EVC2: variants seen among roughly 807,000 people sequenced by gnomAD.
EVC2 encodes limbin.
A neutral mutation model predicts 149.3 loss-of-function variants in EVC2; 148 were observed. The observed-to-expected ratio is 0.99, with a 90% CI of 0.87 to 1.14. EVC2 has a LOEUF of 1.14. Ranked by LOEUF, EVC2 falls within the 50% of genes most tolerant of loss-of-function variation. The pLI, the probability that EVC2 is intolerant of heterozygous loss-of-function variation, is 0.00. For missense variants in EVC2, 1,854 were observed against 1,627.3 expected, an observed-to-expected ratio of 1.14 and a Z score of -2.40; for synonymous variants, 776 against 649.9, an observed-to-expected ratio of 1.19 and a Z score of -2.95.
chr4:5,648,739 G>C (rs546372528), intron 9 of EVC2, among the ~76,000 whole-genome samples: 122 of 152,250 alleles, frequency 8.0e-4, no homozygotes, highest in African/African-American at 2.7e-3. Context: ...AGTCCCAGAG[G>C]CACTCTTTAT....
At chr4:5,646,371 T>G (rs1717711586) in intron 9 of EVC2, among the ~76,000 whole-genome samples, 1 of 152,204 alleles carries the variant, frequency 6.6e-6, no homozygotes, top group South Asian at 2.1e-4. Flanking sequence ...AAGTGTCTAT[T>G]CATGTCCCTT....
At chr4:5,542,259 C>T (rs1721527487), downstream of EVC2, among the ~76,000 whole-genome samples, 11 of 152,164 alleles carry the variant, frequency 7.2e-5, no homozygotes, top group South Asian at 1.9e-3. Context: ...TGAGACCAGC[C>T]TGGGAAACGT....
chr4:5,643,144 C>A (rs1717464907), intron 9 of EVC2, among the ~76,000 whole-genome samples: 1 of 152,186 alleles, frequency 6.6e-6, no homozygotes. Flanking sequence ...GGTGTTCTGG[C>A]ATACTGACTA....
chr4:5,593,769 T>C (rs567560501), intron 16 of EVC2, among the ~76,000 whole-genome samples: 5 of 152,120 alleles, frequency 3.3e-5, no homozygotes, highest in South Asian at 2.1e-4. Flanking sequence ...GGGAGAGGCA[T>C]TGCCTCACTC....
At chr4:5,690,559 C>T (rs1467818739) in intron 4 of EVC2, among the ~76,000 whole-genome samples, 2 of 152,204 alleles carry the variant, frequency 1.3e-5, no homozygotes, top group African/African-American at 2.4e-5. Flanking sequence ...ATGGGTGCTC[C>T]ATGCCTATGT....
chr4:5,635,124 C>T (rs764037704), intron 10 of EVC2, among the ~76,000 whole-genome samples: 1 of 149,170 alleles, frequency 6.7e-6, no homozygotes, highest in Non-Finnish European at 1.5e-5. Flanking sequence ...GCAAACTCCG[C>T]CCTCTGGGTT....
rs1720053585 is a variant in EVC2, at chr4:5,677,280, C to A, written c.870+3980G>T. Among the ~76,000 whole-genome samples the A allele has an allele frequency of 6.6e-6, 1 of 152,170 alleles. No individual in the cohort carries two copies. The highest frequency in any genetic ancestry group is 2.4e-5 in the African/African-American group (1 of 41,444). ...TAAGTGACGTGCCCAAGCTCACATGCAATCAGTGGAGGGACAGGGATTCAA... is the reference window on the plus strand; with the variant it reads ...TAAGTGACGTGCCCAAGCTCACATGAAATCAGTGGAGGGACAGGGATTCAA... On this transcript the variant is annotated intron_variant, in intron 7 of 21. Transcript: ENST00000344408. The surrounding 1 kb of genome is among the most constrained non-coding windows in gnomAD (Gnocchi z 4.3).
At chr4:5,605,524 A>C (rs1714324248) in intron 16 of EVC2, among the ~76,000 whole-genome samples, 2 of 152,236 alleles carry the variant, frequency 1.3e-5, no homozygotes, top group African/African-American at 4.8e-5. Context: ...AGATAGATAG[A>C]TGTGGACAGA....
intron 21 of EVC2, among the ~76,000 whole-genome samples, chr4:5,556,179 C>CAAAAAAA (rs61024761): frequency 1.1e-4 from 7 of 65,022 alleles, no homozygotes; most frequent in African/African-American, 2.9e-4. Flanking sequence ...GACTCCGTCT[C>CAAAAAAA]AAAAAAAAAA....
chr4:5,698,867 C>A (rs915502548), intron 1 of EVC2, among the ~76,000 whole-genome samples: 7 of 152,202 alleles, frequency 4.6e-5, no homozygotes, highest in Non-Finnish European at 7.3e-5. Flanking sequence ...GATGCTCAGG[C>A]CTGGCTTTGG....
chr4:5,598,743 T>G (rs1386805769), intron 16 of EVC2, among the ~76,000 whole-genome samples: 1 of 152,052 alleles, frequency 6.6e-6, no homozygotes, highest in Non-Finnish European at 1.5e-5. Flanking sequence ...CTAAAGAGCT[T>G]CTGCACAACA....
chr4:5,708,404 G>A lies in EVC2; in HGVS notation c.110C>T (p.Pro37Leu). The change falls in exon 1 of 22, where the codon CCC (proline) becomes CTC (leucine). Residue 37 changes from proline (P) to leucine (L), a missense_variant. By Grantham distance (98) the Pro-to-Leu change is moderately conservative. Transcript: ENST00000344408. Reference protein sequence around the residue: ...GRGCLGASSRPRWRPLGAQPP... With the variant: ...GRGCLGASSRLRWRPLGAQPP... ...CTGCGCGCCGAGGGGGCGCCAGCGG[G>A]GACGTGAGCTGGCGCCGAGACAGCC... 6.7e-7 allele frequency: 1 copy of A among 1,500,758 alleles called. No homozygotes were observed. The highest frequency in any genetic ancestry group is 8.8e-7 in the Non-Finnish European group (1 of 1,131,948). 93.0% of individuals were successfully genotyped at this position (1,500,758 alleles called of 1,614,324 possible).
At chr4:5,672,098 C>A (rs1719683839) in intron 7 of EVC2, among the ~76,000 whole-genome samples, 1 of 152,166 alleles carries the variant, frequency 6.6e-6, no homozygotes, top group African/African-American at 2.4e-5. Flanking sequence ...ATGCTGATGC[C>A]ACAGTGTGCC....
Position 5,626,782 on chromosome 4 carries a change from G to A in EVC2, c.1887-874C>T, listed in dbSNP as rs554469723. The stretch of plus-strand genomic sequence containing the variant: ...TCCTGAATAGAACACAGAGGCAGAG[G>A]AAAGAGGAATTTGTCCCTTTTTTTT... On this transcript the variant is annotated intron_variant, in intron 12 of 21. Coordinates refer to ENST00000344408, the MANE Select transcript of EVC2 (RefSeq NM_147127.5). Among the ~76,000 whole-genome samples the A allele has an allele frequency of 2.0e-5, 3 of 152,238 alleles. No homozygotes were observed. In the East Asian group the frequency reaches 5.8e-4, roughly 29 times the overall value.
intron 9 of EVC2, 29 bp downstream of exon 9, chr4:5,663,078 G>T: frequency 6.2e-7 from 1 of 1,613,344 alleles, no homozygotes; most frequent in Non-Finnish European, 8.5e-7. Context: ...TCACATGTGT[G>T]TAAGTATAAT....
intron 3 of EVC2, among the ~76,000 whole-genome samples, chr4:5,692,697 C>T (rs570932298): frequency 5.3e-4 from 80 of 150,588 alleles, no homozygotes; most frequent in African/African-American, 1.9e-3. Context: ...GAAACCCCGT[C>T]TCTACTAAAA....
intron 19 of EVC2, among the ~76,000 whole-genome samples, chr4:5,571,916 T>C (rs1251057798): frequency 6.6e-6 from 1 of 152,154 alleles, no homozygotes; most frequent in African/African-American, 2.4e-5. Context: ...GGCTGACCAG[T>C]CCTGAGCAGA....
intron 16 of EVC2, among the ~76,000 whole-genome samples, chr4:5,610,324 C>T (rs927808232): frequency 3.3e-5 from 5 of 152,112 alleles, no homozygotes; most frequent in African/African-American, 1.2e-4. Context: ...GTGCCTGGCA[C>T]TAAAACGCAA....
chr4:5,585,533 T>G (rs1410572073), intron 16 of EVC2, among the ~76,000 whole-genome samples: 1 of 152,222 alleles, frequency 6.6e-6, no homozygotes, highest in African/African-American at 2.4e-5. Context: ...CTTCTTCATC[T>G]ATAAAGTGGA....
Sources: allele counts gnomAD v4.1 joint callset (sites outside exome capture counted in the v4.1 genomes callset), GRCh38; gene constraint gnomAD v4.1.1; non-coding constraint Gnocchi (gnomAD v3.1); transcripts MANE v1.5; gene names NCBI Gene and HGNC (gene_info 2026-07-23, HGNC 2026-07-21).